SUSD6: variants seen among roughly 807,000 people sequenced by gnomAD.
SUSD6 encodes sushi domain containing 6.
In SUSD6, 16 loss-of-function variants were observed where a neutral mutation model predicts 28.4. The observed-to-expected ratio is 0.56, with a 90% CI of 0.38 to 0.86. The LOEUF (loss-of-function observed/expected upper bound fraction) is 0.86, where lower values mean the gene tolerates loss of function less well. SUSD6 is among the 40% of genes least tolerant of loss of function. SUSD6 has a pLI of 0.00. For synonymous variants in SUSD6, 147 were observed against 159.6 expected (o/e 0.92, Z 0.59); for missense variants, 341 against 384.2 (o/e 0.89, Z 0.94).
intron 4 of SUSD6, among the ~76,000 whole-genome samples, chr14:69,707,330 G>T (rs1382311524): frequency 6.6e-6 from 1 of 152,128 alleles, no homozygotes; most frequent in African/African-American, 2.4e-5. Context: ...GCATGTTTAT[G>T]TGTATAACAA....
chr14:69,672,718 G>A (rs1421387864), intron 2 of SUSD6, among the ~76,000 whole-genome samples: 1 of 152,222 alleles, frequency 6.6e-6, no homozygotes, highest in Non-Finnish European at 1.5e-5. Context: ...ACCCCCGAGT[G>A]TCCTGCTCAG....
intron 2 of SUSD6, among the ~76,000 whole-genome samples, chr14:69,696,114 A>G (rs1594721143): frequency 1.3e-5 from 2 of 152,266 alleles, no homozygotes; most frequent in South Asian, 2.1e-4. Context: ...AGAACCTGGC[A>G]GGTTTCCTGA....
At chr14:69,669,840 C>A (rs191930355) in intron 2 of SUSD6, among the ~76,000 whole-genome samples, 11 of 152,314 alleles carry the variant, frequency 7.2e-5, no homozygotes, top group African/African-American at 2.4e-4. Context: ...ACAAGAGCTC[C>A]TAGTCGTAGT....
rs56002959 is a variant in SUSD6 at position 69,668,373 on chromosome 14, G to A, written c.121+9660G>A. 7.0e-3 allele frequency among the ~76,000 whole-genome samples: 1,065 copies of A among 152,252 alleles called. 17 individuals carry two copies. The highest frequency in any genetic ancestry group is 0.024 in the African/African-American group (1,006 of 41,550). On this transcript the variant is annotated intron_variant, in intron 2 of 5. Coordinates refer to ENST00000342745, the MANE Select transcript of SUSD6 (RefSeq NM_014734.4). Reference sequence around the variant, plus strand: ...TCCCCAGCTGGGTGCAGTGGCTCATGCCTGTAATCCCAGCACTTTGGGAGG... The same window carrying A: ...TCCCCAGCTGGGTGCAGTGGCTCATACCTGTAATCCCAGCACTTTGGGAGG...
chr14:69,711,062 C>T lies in SUSD6; in HGVS notation c.*83C>T. ...TGTGGGATTGAGCACCCTGTACTCT[C>T]CAGCCACCTTACCTGGATACCTGAG... On this transcript the variant is annotated 3_prime_UTR_variant, in exon 6 of 6. Coordinates refer to ENST00000342745, the MANE Select transcript of SUSD6 (RefSeq NM_014734.4). The T allele has an allele frequency of 7.2e-7, 1 of 1,392,936 alleles. No individual in the cohort carries two copies. The allele number at this position is 1,392,936 out of a possible 1,614,324, so 86.3% of individuals were successfully genotyped here.
intron 1 of SUSD6, among the ~76,000 whole-genome samples, chr14:69,634,980 A>C (rs917249934): frequency 6.6e-6 from 1 of 152,200 alleles, no homozygotes; most frequent in Non-Finnish European, 1.5e-5. Context: ...CTATGGCCTC[A>C]GTTTGCCTAA....
chr14:69,651,640 A>G (rs539231318), intron 1 of SUSD6, among the ~76,000 whole-genome samples: 1 of 152,338 alleles, frequency 6.6e-6, no homozygotes, highest in Admixed American at 6.5e-5. Flanking sequence ...AGTTAGTAGG[A>G]CTGGAAGAAT....
At chr14:69,646,765 A>G (rs1041379435) in intron 1 of SUSD6, among the ~76,000 whole-genome samples, 2 of 132,516 alleles carry the variant, frequency 1.5e-5, no homozygotes, top group African/African-American at 5.7e-5. Flanking sequence ...GCAGCGGTGC[A>G]ATCTTGGCTC....
At chr14:69,646,282 G>T (rs1228434058) in intron 1 of SUSD6, among the ~76,000 whole-genome samples, 1 of 152,080 alleles carries the variant, frequency 6.6e-6, no homozygotes, top group East Asian at 1.9e-4. Flanking sequence ...GTACCTTTTG[G>T]AGTATCTCTC....
rs148264288 is a variant in SUSD6 at position 69,691,896 on chromosome 14, C to T, written c.122-11499C>T. 6.7e-3 allele frequency among the ~76,000 whole-genome samples: 1,025 copies of T among 151,974 alleles called. 7 individuals carry two copies. Among genetic ancestry groups the T allele is most frequent in the African/African-American group, 0.024 (974 of 41,416 alleles). On this transcript the variant is annotated intron_variant, in intron 2 of 5. Transcript: ENST00000342745. ...TCTACCGAAAATACAAAAATTAGCCCGGTGTGGTGGCACACACCTGTAGTC... is the reference window on the plus strand; with the variant it reads ...TCTACCGAAAATACAAAAATTAGCCTGGTGTGGTGGCACACACCTGTAGTC...
At chr14:69,689,676 T>C (rs1886126577) in intron 2 of SUSD6, among the ~76,000 whole-genome samples, 1 of 152,224 alleles carries the variant, frequency 6.6e-6, no homozygotes, top group South Asian at 2.1e-4. Context: ...TAAAAATTTG[T>C]TTAATTTTTT....
chr14:69,682,652 T>C (rs1886013459), intron 2 of SUSD6, among the ~76,000 whole-genome samples: 1 of 152,242 alleles, frequency 6.6e-6, no homozygotes, highest in Non-Finnish European at 1.5e-5. Context: ...ATAATAAGAT[T>C]ACATTTTCCC....
At chr14:69,709,973 A>G (rs1886439181) in intron 5 of SUSD6, among the ~76,000 whole-genome samples, 1 of 152,212 alleles carries the variant, frequency 6.6e-6, no homozygotes, top group Non-Finnish European at 1.5e-5. Context: ...GGCATAGTAA[A>G]TGTCTAAGGT....
In SUSD6 at chr14:69,712,824, C is replaced by T. The variant is rs1015303512; in HGVS notation, c.*1845C>T. ...GGCCACTCCCACACTTCCCCTCCCC[C>T]AGGAGCCCTCATCTGCTGTGCTGAG... On this transcript the variant is annotated 3_prime_UTR_variant, in exon 6 of 6. Transcript: ENST00000342745. The T allele has an allele frequency of 6.6e-6, 1 of 152,638 alleles. No homozygotes were observed. Among genetic ancestry groups the T allele is most frequent in the Admixed American group, 6.5e-5 (1 of 15,280 alleles). The allele number at this position is 152,638 out of a possible 1,614,324, so 9.5% of individuals were successfully genotyped here. A position where few individuals can be genotyped will look rare whatever the true frequency, so the allele number is the denominator to read the frequency against.
chr14:69,658,008 T>C (rs1250246068), intron 1 of SUSD6, among the ~76,000 whole-genome samples: 1 of 152,270 alleles, frequency 6.6e-6, no homozygotes, highest in Non-Finnish European at 1.5e-5. Flanking sequence ...GTCCTCCGGC[T>C]CATCAGCCTT....
chr14:69,679,762 AT>A (rs1256441522), intron 2 of SUSD6, among the ~76,000 whole-genome samples: 2 of 152,010 alleles, frequency 1.3e-5, no homozygotes, highest in Non-Finnish European at 2.9e-5. Flanking sequence ...TTTTTAAAAT[AT>A]TTTTTTCCTG....
intron 1 of SUSD6, among the ~76,000 whole-genome samples, chr14:69,654,331 C>T (rs1480715158): frequency 1.3e-5 from 2 of 152,218 alleles, no homozygotes; most frequent in East Asian, 3.8e-4. Context: ...GAGTAATTCA[C>T]TGTCCCTGCC....
chr14:69,647,323 T>G (rs1885442241), intron 1 of SUSD6, among the ~76,000 whole-genome samples: 1 of 152,132 alleles, frequency 6.6e-6, no homozygotes, highest in Admixed American at 6.5e-5. Context: ...CTGCTATCTT[T>G]TAGGGCTCTC....
intron 1 of SUSD6, among the ~76,000 whole-genome samples, chr14:69,644,997 C>T (rs976233148): frequency 6.6e-6 from 1 of 152,118 alleles, no homozygotes. Context: ...GTTCCTACTT[C>T]TCATTTTTGC....
Sources: allele counts gnomAD v4.1 joint callset (sites outside exome capture counted in the v4.1 genomes callset), GRCh38; gene constraint gnomAD v4.1.1; transcripts MANE v1.5; gene names NCBI Gene and HGNC (gene_info 2026-07-23, HGNC 2026-07-21).